Variants in OSTM1 observed in about 807,000 individuals in gnomAD.
OSTM1 encodes osteopetrosis-associated transmembrane protein 1.
A neutral mutation model predicts 35.4 loss-of-function variants in OSTM1; 26 were observed. The ratio of observed to expected loss-of-function variants is 0.73; its 90% confidence interval spans 0.54 to 1.02. OSTM1 has a LOEUF of 1.02. OSTM1 is among the 50% of genes least tolerant of loss of function. The pLI is 0.00. For synonymous variants in OSTM1, 181 were observed against 165.0 expected (o/e 1.10, Z -0.75); for missense variants, 366 against 409.6 (o/e 0.89, Z 0.92).
intron 5 of OSTM1, among the ~76,000 whole-genome samples, chr6:108,045,847 C>G (rs146497624): frequency 1.7e-3 from 258 of 152,208 alleles, no homozygotes; most frequent in South Asian, 0.012. Context: ...CTAAGAGTCT[C>G]CCTACTTCAG....
chr6:108,058,465 G>C (rs1027661828), intron 2 of OSTM1, among the ~76,000 whole-genome samples: 2 of 152,160 alleles, frequency 1.3e-5, no homozygotes, highest in African/African-American at 4.8e-5. Flanking sequence ...ATAACGCTTA[G>C]TACATTTCCC....
intron 2 of OSTM1, among the ~76,000 whole-genome samples, chr6:108,057,386 G>A (rs1772187193): frequency 6.6e-6 from 1 of 152,074 alleles, no homozygotes; most frequent in Non-Finnish European, 1.5e-5. Flanking sequence ...TGTGTTGCAG[G>A]GAAGTTAAGG....
chr6:108,068,885 G>A (rs975279868), intron 1 of OSTM1, among the ~76,000 whole-genome samples: 1 of 152,160 alleles, frequency 6.6e-6, no homozygotes, highest in African/African-American at 2.4e-5. Context: ...CCTGGCACCT[G>A]TGTACTTCCT....
At chr6:108,051,949 G>T (rs536640323) in intron 3 of OSTM1, among the ~76,000 whole-genome samples, 1 of 152,254 alleles carries the variant, frequency 6.6e-6, no homozygotes, top group South Asian at 2.1e-4. Flanking sequence ...TTACTTTGTA[G>T]TATGAAGAAA....
intron 1 of OSTM1, among the ~76,000 whole-genome samples, chr6:108,071,731 C>T (rs989887366): frequency 2.0e-5 from 3 of 152,012 alleles, no homozygotes; most frequent in Non-Finnish European, 2.9e-5. Context: ...GAATCATATC[C>T]AGCTCTACTG....
rs59543048 is a variant in OSTM1, at chr6:108,057,024, T to G, written c.518-2437A>C. ...CAGGTGGATTGCCTGAGTCCAGGAG[T>G]TCGAGACCAGCCTGGGCAACATGGT... On this transcript the variant is annotated intron_variant, in intron 2 of 5. Transcript: ENST00000193322. 1.0e-2 allele frequency among the ~76,000 whole-genome samples: 1,520 copies of G among 152,204 alleles called. 25 individuals carry two copies. The highest frequency in any genetic ancestry group is 0.035 in the African/African-American group (1,453 of 41,524).
In OSTM1 at chr6:108,042,414, CT is replaced by C. The variant is rs58798743; in HGVS notation, c.*2370del. 0.037 allele frequency: 4,785 copies of C among 128,970 alleles called. 172 individuals are homozygous for C. Among genetic ancestry groups the C allele is most frequent in the Admixed American group, 0.15 (1,844 of 12,264 alleles). 8.0% of individuals were successfully genotyped at this position (128,970 alleles called of 1,614,324 possible). ...TAAGACAGACAGTACTTTCTTTTTT[CT>C]TTTTTTTTTTTTTTTTTTGAGACAA... On this transcript the variant is annotated 3_prime_UTR_variant, in exon 6 of 6. Coordinates refer to ENST00000193322, the MANE Select transcript of OSTM1 (RefSeq NM_014028.4).
chr6:108,059,208 G>A (rs1248724312), intron 2 of OSTM1, among the ~76,000 whole-genome samples: 1 of 152,146 alleles, frequency 6.6e-6, no homozygotes, highest in African/African-American at 2.4e-5. Context: ...CAATAACAAG[G>A]CTATCCCTAT....
chr6:108,069,408 A>C (rs927239128), intron 1 of OSTM1, among the ~76,000 whole-genome samples: 2 of 152,238 alleles, frequency 1.3e-5, no homozygotes, highest in African/African-American at 4.8e-5. Flanking sequence ...AATCTACAGT[A>C]AAAGTATATT....
At position 108,074,414 on chromosome 6, in the gene OSTM1, G is replaced by T. The variant is rs754095587; in HGVS notation, c.238C>A (p.Leu80Met). The T allele has an allele frequency of 2.5e-5, 39 of 1,567,608 alleles. No homozygotes were observed. The highest frequency in any genetic ancestry group is 3.1e-5 in the Non-Finnish European group (36 of 1,156,332). The change falls in exon 1 of 6, where the codon CTG becomes ATG. Residue 80 changes from leucine to methionine, a missense_variant. Leu to Met is a conservative substitution (Grantham distance 15, BLOSUM62 2). Coordinates refer to ENST00000193322, the MANE Select transcript of OSTM1 (RefSeq NM_014028.4). ...PLSLPPDLPD[L>M]DPECRELLLD... Reference sequence around the variant, plus strand: ...AGGAGCTCCCGGCACTCAGGATCCAGATCCGGCAGGTCCGGGGGCAGCGAC... The same window carrying T: ...AGGAGCTCCCGGCACTCAGGATCCATATCCGGCAGGTCCGGGGGCAGCGAC...
At position 108,044,081 on chromosome 6, in the gene OSTM1, T is replaced by C. The variant is rs1052862072; in HGVS notation, c.*704A>G. On this transcript the variant is annotated 3_prime_UTR_variant, in exon 6 of 6. Coordinates refer to ENST00000193322, the MANE Select transcript of OSTM1 (RefSeq NM_014028.4). ...ATAATCCATATTGCCCTGAATATAA[T>C]AAAGCAATCCAGTGATTTTTAAATT... The C allele has an allele frequency of 2.6e-5, 4 of 152,592 alleles. No homozygotes were observed. Among genetic ancestry groups the C allele is most frequent in the Admixed American group, 2.6e-4 (4 of 15,268 alleles). The allele number at this position is 152,592 out of a possible 1,614,324, so 9.5% of individuals were successfully genotyped here. A position where few individuals can be genotyped will look rare whatever the true frequency, so the allele number is the denominator to read the frequency against.
chr6:108,070,890 C>CAA lies in OSTM1; in HGVS notation c.402+3358_402+3359dup, dbSNP rs1338011470. Among the ~76,000 whole-genome samples the CAA allele has an allele frequency of 8.6e-3, 691 of 80,662 alleles. 9 individuals are homozygous for CAA. Among genetic ancestry groups the CAA allele is most frequent in the African/African-American group, 0.025 (595 of 23,634 alleles). The allele number at this position is 80,662 out of a possible 152,430, so 52.9% of individuals were successfully genotyped here. The stretch of plus-strand genomic sequence containing the variant: ...GGGTAACAAGAGGGAAACTCCGTCT[C>CAA]AAAAAAAAAAAAAAAGGGCTGGGTG... On this transcript the variant is annotated intron_variant, in intron 1 of 5. Coordinates refer to ENST00000193322, the MANE Select transcript of OSTM1 (RefSeq NM_014028.4).
In OSTM1 at chr6:108,063,193, T is replaced by C. The variant is rs9486790; in HGVS notation, c.517+992A>G. On this transcript the variant is annotated intron_variant, in intron 2 of 5. Coordinates refer to ENST00000193322, the MANE Select transcript of OSTM1 (RefSeq NM_014028.4). ...ATGTCCATCTAATTTAAAAAATATA[T>C]ATTTTTGTAGAGATGGGGGTCTCAC... Among the ~76,000 whole-genome samples, 1,253 of 152,196 alleles carry C rather than the reference T, an allele frequency of 8.2e-3. 13 individuals are homozygous for C. Among genetic ancestry groups the C allele is most frequent in the African/African-American group, 0.026 (1,068 of 41,522 alleles).
chr6:108,066,819 A>T (rs1235904466), intron 1 of OSTM1, among the ~76,000 whole-genome samples: 3 of 152,206 alleles, frequency 2.0e-5, no homozygotes, highest in African/African-American at 7.2e-5. Context: ...ATCCACCTAT[A>T]TATGTTTAGG....
At chr6:108,055,661 A>G (rs954684621) in intron 2 of OSTM1, among the ~76,000 whole-genome samples, 7 of 152,114 alleles carry the variant, frequency 4.6e-5, no homozygotes, top group African/African-American at 1.4e-4. Context: ...ACATATTCAC[A>G]GCCATTTTCA....
chr6:108,070,400 T>A (rs1303596189), intron 1 of OSTM1, among the ~76,000 whole-genome samples: 1 of 152,184 alleles, frequency 6.6e-6, no homozygotes, highest in Non-Finnish European at 1.5e-5. Flanking sequence ...TATGGTACAA[T>A]TTATAACACT....
chr6:108,068,842 A>G (rs1278541372), intron 1 of OSTM1, among the ~76,000 whole-genome samples: 6 of 152,094 alleles, frequency 3.9e-5, no homozygotes, highest in Non-Finnish European at 1.5e-5. Context: ...TCAAAGTCTA[A>G]AATCCTTAAC....
At chr6:108,063,137 CA>C (rs1009291582) in intron 2 of OSTM1, among the ~76,000 whole-genome samples, 1 of 152,056 alleles carries the variant, frequency 6.6e-6, no homozygotes, top group African/African-American at 2.4e-5. Context: ...CTTAGCCTCC[CA>C]AGTGGCTAGG....
chr6:108,046,487 G>A (rs1193661811), intron 5 of OSTM1, among the ~76,000 whole-genome samples: 1 of 148,562 alleles, frequency 6.7e-6, no homozygotes, highest in Non-Finnish European at 1.5e-5. Context: ...GACTACAGGC[G>A]TCTGCCACCA....
Sources: gnomAD v4.1 joint callset for allele counts (sites outside exome capture counted in the v4.1 genomes callset) on GRCh38, gnomAD v4.1.1 for gene constraint, MANE v1.5 for transcripts, NCBI Gene and HGNC (gene_info 2026-07-23, HGNC 2026-07-21) for gene names.